The following SH2D3C variants were observed in gnomAD, a reference collection of about 807,000 sequenced individuals.
The protein encoded by SH2D3C is SH2 domain containing 3C.
In SH2D3C, 25 loss-of-function variants were observed where a neutral mutation model predicts 75.2. The ratio of observed to expected loss-of-function variants is 0.33; its 90% CI spans 0.24 to 0.46. The LOEUF (loss-of-function observed/expected upper bound fraction) is 0.46, where lower values mean the gene tolerates loss of function less well. Ranked by LOEUF, SH2D3C falls within the 20% of genes least tolerant of loss-of-function variation. SH2D3C has a pLI of 1.00. For missense variants in SH2D3C, 933 were observed against 1,165.3 expected (o/e 0.80, Z 2.90); for synonymous variants, 450 against 473.7 (o/e 0.95, Z 0.65).
chr9:127,762,102 G>T, intron 2 of SH2D3C: 1 of 784,586 alleles, frequency 1.3e-6, no homozygotes, highest in Non-Finnish European at 1.6e-6. Context: ...CCCAAGTGGG[G>T]ATCAGCCCGT....
Position 127,761,635 on chromosome 9 carries a change from TG to T in SH2D3C, c.530del (p.Pro177GlnfsTer8). On this transcript the variant is annotated frameshift_variant, in exon 3 of 12. Transcript: ENST00000314830. LOFTEE classifies it high-confidence loss of function. The part of the protein sequence containing the change: ...DVHSERAAGE[P>X]EAGSDYVKFS... ...CCTTCACATAGTCGCTGCCAGCCTC[TG>T]GCTCTCCAGCAGCCCTGGAAGGAGA... 6.2e-7 allele frequency: 1 copy of T among 1,612,460 alleles called. No homozygotes were observed. The highest frequency in any genetic ancestry group is 1.3e-5 in the African/African-American group (1 of 74,996).
chr9:127,752,494 G>A (rs973317800), intron 3 of SH2D3C, among the ~76,000 whole-genome samples: 1 of 152,044 alleles, frequency 6.6e-6, no homozygotes, highest in Non-Finnish European at 1.5e-5. Context: ...GCAGTAAAGG[G>A]CCTTCATCCC....
Position 127,744,856 on chromosome 9 carries a change from C to A in SH2D3C, c.1508G>T (p.Arg503Leu), listed in dbSNP as rs200786276. 1.2e-6 allele frequency: 2 copies of A among 1,614,074 alleles called. No individual in the cohort carries two copies. The highest frequency in any genetic ancestry group is 1.7e-5 in the Admixed American group (1 of 60,006). Reference protein sequence around the residue: ...GHYCQLQPPVRGSREWAATET... With the variant: ...GHYCQLQPPVLGSREWAATET... ...AGTCGCTGCCCACTCTCGGCTGCCA[C>A]GCACGGGAGGCTGGAGCTGGCAGTA... The change falls in exon 7 of 12, where the codon CGT (arginine) becomes CTT (leucine). Residue 503 changes from arginine to leucine, a missense_variant. Coordinates refer to ENST00000314830, the MANE Select transcript of SH2D3C (RefSeq NM_170600.3).
At chr9:127,775,845 T>A (rs1400842835) in intron 1 of SH2D3C, among the ~76,000 whole-genome samples, 5 of 151,926 alleles carry the variant, frequency 3.3e-5, no homozygotes, top group African/African-American at 4.8e-5. Flanking sequence ...ATTTTTTCTT[T>A]TGAGACAGAG....
In SH2D3C at chr9:127,749,248, C is replaced by G. The variant is rs929711989; in HGVS notation, c.1102G>C (p.Ala368Pro). ...RSVTMTDGLTADKVTRSDGCP... is the reference protein window; with the variant it reads ...RSVTMTDGLTPDKVTRSDGCP... The stretch of plus-strand genomic sequence containing the variant: ...CCATCGCTGCGGGTGACCTTGTCAG[C>G]AGTGAGCCCATCGGTCATGGTGACG... The change falls in exon 5 of 12, where the codon GCT (alanine) becomes CCT (proline). Residue 368 changes from alanine to proline, a missense_variant. Coordinates refer to ENST00000314830, the MANE Select transcript of SH2D3C (RefSeq NM_170600.3). The surrounding 1 kb of genome is among the most constrained non-coding windows in gnomAD (Gnocchi z 5.9). 3.2e-6 allele frequency: 5 copies of G among 1,585,430 alleles called. No homozygotes were observed. The highest frequency in any genetic ancestry group is 3.4e-6 in the Non-Finnish European group (4 of 1,163,674).
chr9:127,756,903 A>G (rs1003820522), intron 3 of SH2D3C, among the ~76,000 whole-genome samples: 1 of 151,986 alleles, frequency 6.6e-6, no homozygotes, highest in Non-Finnish European at 1.5e-5. Context: ...AAGTGCTGGC[A>G]TTACAAGCAT....
At chr9:127,747,358 A>G in intron 5 of SH2D3C, 87 bp from the exon 6 acceptor site, 2 of 1,265,768 alleles carry the variant, frequency 1.6e-6, no homozygotes, top group South Asian at 1.5e-5. Flanking sequence ...TGCACCTTGA[A>G]CTTCAGAGGC....
At chr9:127,750,344 G>C (rs559258558) in intron 4 of SH2D3C, among the ~76,000 whole-genome samples, 3 of 151,922 alleles carry the variant, frequency 2.0e-5, no homozygotes, top group Non-Finnish European at 4.4e-5. Flanking sequence ...TAGTAGAGAC[G>C]AGGTTTCACC....
At chr9:127,745,481 T>G (rs1845004510) in intron 6 of SH2D3C, among the ~76,000 whole-genome samples, 1 of 142,288 alleles carries the variant, frequency 7.0e-6, no homozygotes, top group East Asian at 2.1e-4. Context: ...TTTTTTTTTT[T>G]GAGTCACTGT....
chr9:127,742,950 C>A lies in SH2D3C; in HGVS notation c.1815G>T (p.Leu605=). 6.2e-7 allele frequency: 1 copy of A among 1,613,396 alleles called. No individual in the cohort carries two copies. ...TKVDCLVARI[L]GVTKEMQTLM... ...GGGTCTGCATCTCCTTGGTAACGCC[C>A]AGTATCCTAGCAACCTGCAAAGACG... Residue 605 remains leucine, a synonymous_variant, in exon 8 of 12, where the codon CTG becomes CTT. Coordinates refer to ENST00000314830, the MANE Select transcript of SH2D3C (RefSeq NM_170600.3).
rs3780654 is a variant in SH2D3C, at chr9:127,752,204, G to T, written c.556-904C>A. ...AGGAAGCCCTTAATGCCAGGTGTAC[G>T]CCCACCAGAGCCCAGCCCAATCCTG... On this transcript the variant is annotated intron_variant, in intron 3 of 11. Coordinates refer to ENST00000314830, the MANE Select transcript of SH2D3C (RefSeq NM_170600.3). Among the ~76,000 whole-genome samples the T allele has an allele frequency of 2.5e-3, 386 of 152,194 alleles. 8 individuals carry two copies. The East Asian group carries it at 0.055, about 22-fold the overall frequency.
At chr9:127,753,674 C>A (rs1845268204) in intron 3 of SH2D3C, among the ~76,000 whole-genome samples, 1 of 152,224 alleles carries the variant, frequency 6.6e-6, no homozygotes, top group African/African-American at 2.4e-5. Flanking sequence ...CTCTGCGGTG[C>A]TCACACCAGG....
intron 5 of SH2D3C, among the ~76,000 whole-genome samples, chr9:127,748,950 G>A (rs1845113569): frequency 6.6e-6 from 1 of 152,152 alleles, no homozygotes; most frequent in South Asian, 2.1e-4. Context: ...AGGAACATGG[G>A]GATAACAGAG....
At chr9:127,765,937 C>T (rs1845625324) in intron 2 of SH2D3C, among the ~76,000 whole-genome samples, 1 of 152,212 alleles carries the variant, frequency 6.6e-6, no homozygotes, top group Middle Eastern at 3.2e-3. Flanking sequence ...TAACCAACCC[C>T]TTTCACTGCC....
In SH2D3C at chr9:127,774,610, C is replaced by T. The variant is rs774525708; in HGVS notation, c.38-143G>A. The T allele has an allele frequency of 5.3e-5, 32 of 606,450 alleles. No homozygotes were observed. The highest frequency in any genetic ancestry group is 7.4e-5 in the African/African-American group (4 of 54,040). 37.6% of individuals were successfully genotyped at this position (606,450 alleles called of 1,614,324 possible). A position where few individuals can be genotyped will look rare whatever the true frequency, so the allele number is the denominator to read the frequency against. On this transcript the variant is annotated intron_variant, in intron 1 of 11. Transcript: ENST00000314830. This position sits in a 1 kb window ranked among gnomAD's most constrained non-coding sequence, Gnocchi z 4.3. ...GACACCCCTTCTAAAATTGTTAACACGCCCCTAGAAATGGTATAAGATGGG... is the reference window on the plus strand; with the variant it reads ...GACACCCCTTCTAAAATTGTTAACATGCCCCTAGAAATGGTATAAGATGGG...
Position 127,738,651 on chromosome 9 carries a change from G to T in SH2D3C, c.*95C>A. 1 of 1,319,524 alleles carries T rather than the reference G, an allele frequency of 7.6e-7. No homozygotes were observed. The highest frequency in any genetic ancestry group is 1.0e-6 in the Non-Finnish European group (1 of 984,708). The allele number at this position is 1,319,524 out of a possible 1,614,324, so 81.7% of individuals were successfully genotyped here. A position where few individuals can be genotyped will look rare whatever the true frequency, so the allele number is the denominator to read the frequency against. On this transcript the variant is annotated 3_prime_UTR_variant, in exon 12 of 12. Transcript: ENST00000314830. The surrounding 1 kb of genome is among the most constrained non-coding windows in gnomAD (Gnocchi z 5.0). The stretch of plus-strand genomic sequence containing the variant: ...TGAGTTGAACCCAGAACATTCTCGG[G>T]TTGATCACAGTGTCCTTGGGGTGCT...
At position 127,754,879 on chromosome 9, in the gene SH2D3C, C is replaced by T. The variant is rs1397733445; in HGVS notation, c.556-3579G>A. The T allele has an allele frequency of 1.8e-5, 9 of 506,340 alleles. No homozygotes were observed. The highest frequency in any genetic ancestry group is 1.2e-4 in the East Asian group (2 of 16,898). The allele number at this position is 506,340 out of a possible 1,614,324, so 31.4% of individuals were successfully genotyped here. A position where few individuals can be genotyped will look rare whatever the true frequency, so the allele number is the denominator to read the frequency against. On this transcript the variant is annotated intron_variant, in intron 3 of 11. Transcript: ENST00000314830. This position sits in a 1 kb window ranked among gnomAD's most constrained non-coding sequence, Gnocchi z 4.4. The stretch of plus-strand genomic sequence containing the variant: ...AGAGTCCCAGGAGTGGCCGCCGAAC[C>T]CTCACCCCGCGGAGCGCCTGGGCGC...
At chr9:127,773,949 A>G (rs1197925580) in intron 2 of SH2D3C, 41 bp downstream of exon 2, 1 of 1,183,920 alleles carries the variant, frequency 8.4e-7, no homozygotes. Flanking sequence ...AAAAAAACAG[A>G]AGCCATCCCT....
chr9:127,766,189 T>C (rs1426151962), intron 2 of SH2D3C, among the ~76,000 whole-genome samples: 1 of 152,198 alleles, frequency 6.6e-6, no homozygotes, highest in Non-Finnish European at 1.5e-5. Context: ...CCCTCTTTCA[T>C]GATAGTGACC....
Sources: gnomAD v4.1 joint callset for allele counts (sites outside exome capture counted in the v4.1 genomes callset) on GRCh38, gnomAD v4.1.1 for gene constraint, Gnocchi (gnomAD v3.1) non-coding constraint, MANE v1.5 for transcripts, NCBI Gene and HGNC (gene_info 2026-07-23, HGNC 2026-07-21) for gene names.